The following MTA1 variants were observed in gnomAD, a reference collection of about 807,000 sequenced individuals.
MTA1 encodes the protein metastasis-associated protein MTA1.
Under a neutral mutation model 97.0 loss-of-function variants are expected in MTA1, and 15 were observed. The ratio of observed to expected loss-of-function variants is 0.15; its 90% CI spans 0.10 to 0.24. The LOEUF (loss-of-function observed/expected upper bound fraction) is 0.24. Ranked by LOEUF, MTA1 falls within the 10% of genes least tolerant of loss-of-function variation. The pLI is 1.00. For synonymous variants in MTA1, 435 were observed against 417.5 expected (o/e 1.04, Z -0.51); for missense variants, 709 against 1,015.1 (o/e 0.70, Z 4.10).
intron 10 of MTA1, 67 bp downstream of exon 10, chr14:105,461,020 G>A (rs1409604823): frequency 2.1e-5 from 32 of 1,509,396 alleles, no homozygotes; most frequent in Non-Finnish European, 2.3e-5. Context: ...CTGCGGGGGT[G>A]TGGGCTCCAC....
intron 1 of MTA1, among the ~76,000 whole-genome samples, chr14:105,435,855 C>T (rs1041057670): frequency 1.3e-5 from 2 of 152,194 alleles, no homozygotes; most frequent in African/African-American, 2.4e-5. Flanking sequence ...CACCCCTTCT[C>T]GTGTCAGTAG....
At chr14:105,430,058 A>C (rs1317254348) in intron 1 of MTA1, among the ~76,000 whole-genome samples, 2 of 151,992 alleles carry the variant, frequency 1.3e-5, no homozygotes, top group African/African-American at 2.4e-5. Context: ...CGCCCGACCC[A>C]CTTTTAGTTT....
In MTA1 at chr14:105,463,241, G is replaced by A. The variant is rs368709921; in HGVS notation, c.1000G>A (p.Asp334Asn). ...GTACTACTACATGTGGAAGACCACC[G>A]ACAGATACGTGCAGCAGGTGAGCCC... ...IEYYYMWKTT[D>N]RYVQQKRLKA... Residue 334 changes from aspartate to asparagine, a missense_variant, in exon 11 of 21, where the codon GAC becomes AAC. Coordinates refer to ENST00000331320, the MANE Select transcript of MTA1 (RefSeq NM_004689.4). The surrounding 1 kb of genome is among the most constrained non-coding windows in gnomAD (Gnocchi z 5.9). The A allele has an allele frequency of 7.4e-6, 12 of 1,610,738 alleles. No individual in the cohort carries two copies. Among genetic ancestry groups the A allele is most frequent in the Non-Finnish European group, 1.0e-5 (12 of 1,179,830 alleles).
intron 1 of MTA1, among the ~76,000 whole-genome samples, chr14:105,426,215 G>C (rs1284076058): frequency 6.6e-6 from 1 of 152,084 alleles, no homozygotes; most frequent in Non-Finnish European, 1.5e-5. Context: ...TGCCCTGCCA[G>C]GCTGTCCTCA....
Position 105,466,432 on chromosome 14 carries a change from A to G in MTA1, c.1631A>G (p.His544Arg). 6 of 724,208 alleles carry G rather than the reference A, an allele frequency of 8.3e-6. No individual in the cohort carries two copies. The highest frequency in any genetic ancestry group is 2.1e-5 in the African/African-American group (1 of 48,160). 44.9% of individuals were successfully genotyped at this position (724,208 alleles called of 1,614,324 possible). The change falls in exon 17 of 21, where the codon CAC becomes CGC. Residue 544 changes from histidine to arginine, a missense_variant. This residue lies in a region of MTA1 where 388 missense variants were observed against 421.6 expected (regional missense o/e 0.92). Transcript: ENST00000331320. ...LEAVLRYLET[H>R]PRPPKPDPVK... The stretch of plus-strand genomic sequence containing the variant: ...CCTGTGTCATTCCCGGCAGAGACCC[A>G]CCCCCGCCCCCCCAAGCCTGACCCC...
At chr14:105,425,289 G>GT (rs1457147103) in intron 1 of MTA1, among the ~76,000 whole-genome samples, 3 of 151,854 alleles carry the variant, frequency 2.0e-5, no homozygotes, top group Non-Finnish European at 2.9e-5. Context: ...ATGTAATTAT[G>GT]TTTTTTTTGA....
intron 13 of MTA1, 110 bp from the exon 14 acceptor site, chr14:105,464,306 T>A: frequency 7.9e-7 from 1 of 1,272,220 alleles, no homozygotes; most frequent in Non-Finnish European, 1.0e-6. Context: ...TCGGGGAACG[T>A]GTGGGGGTGC....
In MTA1 at chr14:105,464,457, A is replaced by G; in HGVS notation, c.1234A>G (p.Met412Val). ...GTGGTATTCTTGGGGTCCCCCTAAC[A>G]TGCAGTGTCGTCTCTGCGCATCTTG... Reference protein sequence around the residue: ...YQWYSWGPPNMQCRLCASCWT... With the variant: ...YQWYSWGPPNVQCRLCASCWT... The change falls in exon 14 of 21, where the codon ATG (methionine) becomes GTG (valine). Residue 412 changes from methionine (M) to valine (V), a missense_variant. This residue lies in a region of MTA1 where 321 missense variants were observed against 593.5 expected (regional missense o/e 0.54). Coordinates refer to ENST00000331320, the MANE Select transcript of MTA1 (RefSeq NM_004689.4). 2.5e-6 allele frequency: 4 copies of G among 1,613,656 alleles called. No individual in the cohort carries two copies. Among genetic ancestry groups the G allele is most frequent in the Non-Finnish European group, 3.4e-6 (4 of 1,179,946 alleles).
At chr14:105,458,162 A>AGCCCTTC in intron 7 of MTA1, 108 bp from the exon 8 acceptor site, 1 of 868,796 alleles carries the variant, frequency 1.2e-6, no homozygotes, top group Middle Eastern at 3.1e-4. Context: ...GGGGCCCTGC[A>AGCCCTTC]GCCCTTCCCC....
At chr14:105,465,336 G>A (rs756623384) in intron 16 of MTA1, 153 bp downstream of exon 16, 15 of 553,388 alleles carry the variant, frequency 2.7e-5, no homozygotes, top group South Asian at 5.1e-5. Context: ...ACTCTGCACC[G>A]TGCCAGGCTC....
intron 6 of MTA1, 26 bp from the exon 7 acceptor site, chr14:105,454,167 T>A (rs782663391): frequency 6.3e-7 from 1 of 1,575,596 alleles, no homozygotes; most frequent in Admixed American, 1.7e-5. Flanking sequence ...TGCTGACGCC[T>A]CTCTGTCTCC....
intron 1 of MTA1, among the ~76,000 whole-genome samples, chr14:105,430,419 G>A (rs994092023): frequency 6.6e-6 from 1 of 152,106 alleles, no homozygotes; most frequent in Admixed American, 6.5e-5. Flanking sequence ...GGCTCATGAT[G>A]CCCAAAACAA....
Position 105,470,588 on chromosome 14 carries a change from CTG to C in MTA1, c.*375_*376del, listed in dbSNP as rs1161209182. The C allele has an allele frequency of 3.0e-5, 6 of 199,692 alleles. No individual in the cohort carries two copies. The East Asian group carries it at 7.7e-4, about 26-fold the overall frequency. The allele number at this position is 199,692 out of a possible 1,614,324, so 12.4% of individuals were successfully genotyped here. A position where few individuals can be genotyped will look rare whatever the true frequency, so the allele number is the denominator to read the frequency against. On this transcript the variant is annotated 3_prime_UTR_variant, in exon 21 of 21. Coordinates refer to ENST00000331320, the MANE Select transcript of MTA1 (RefSeq NM_004689.4). ...CTTTTTTTGTAGATGAACTTGAGCTCTGTAACTTACACCTGGAATGTTAGGAT... is the reference window on the plus strand; with the variant it reads ...CTTTTTTTGTAGATGAACTTGAGCTCTAACTTACACCTGGAATGTTAGGAT...
At chr14:105,450,836 T>C (rs2082899177) in intron 6 of MTA1, among the ~76,000 whole-genome samples, 1 of 152,212 alleles carries the variant, frequency 6.6e-6, no homozygotes, top group South Asian at 2.1e-4. Context: ...GTCCCGACAA[T>C]GCCATACATC....
chr14:105,448,200 C>T lies in MTA1; in HGVS notation c.191-1159C>T, dbSNP rs139719909. Among the ~76,000 whole-genome samples, 133 of 152,170 alleles carry T rather than the reference C, an allele frequency of 8.7e-4. 4 individuals carry two copies. In the East Asian group the frequency reaches 0.013, roughly 15 times the overall value. On this transcript the variant is annotated intron_variant, in intron 3 of 20. Transcript: ENST00000331320. ...GAGTGAGGGCACAGCCTGGGCCTCA[C>T]GCTTAGGGGTGTATCCAGGGTCTGA...
chr14:105,432,976 C>T (rs587716987), intron 1 of MTA1, among the ~76,000 whole-genome samples: 236 of 152,224 alleles, frequency 1.6e-3, no homozygotes, highest in African/African-American at 4.8e-3. Context: ...CAGTCGAAAG[C>T]GATTGGACTG....
chr14:105,461,244 C>T, intron 10 of MTA1, among the ~76,000 whole-genome samples: 1 of 152,172 alleles, frequency 6.6e-6, no homozygotes, highest in East Asian at 1.9e-4. Context: ...GTGACGGAGG[C>T]CAGGGTATCC....
In MTA1 at chr14:105,424,218, G is replaced by A. The variant is rs782266714; in HGVS notation, c.28+4155G>A. On this transcript the variant is annotated intron_variant, in intron 1 of 20. Coordinates refer to ENST00000331320, the MANE Select transcript of MTA1 (RefSeq NM_004689.4). The surrounding 1 kb of genome is among the most constrained non-coding windows in gnomAD (Gnocchi z 4.0). ...TGCTCCACCTTTGTTTTTTTGAGACGGAGTCTCGCTCTGTCCCCCAGGCTG... is the reference window on the plus strand; with the variant it reads ...TGCTCCACCTTTGTTTTTTTGAGACAGAGTCTCGCTCTGTCCCCCAGGCTG... 5.3e-5 allele frequency among the ~76,000 whole-genome samples: 8 copies of A among 152,170 alleles called. No homozygotes were observed. The highest frequency in any genetic ancestry group is 1.2e-4 in the Non-Finnish European group (8 of 68,034).
intron 1 of MTA1, among the ~76,000 whole-genome samples, chr14:105,431,215 AC>A (rs1310882367): frequency 9.2e-5 from 14 of 152,084 alleles, no homozygotes; most frequent in African/African-American, 2.9e-4. Context: ...GGCGCCCACC[AC>A]CACGCACAGT....
Sources: allele counts gnomAD v4.1 joint callset (sites outside exome capture counted in the v4.1 genomes callset), GRCh38; gene constraint gnomAD v4.1.1; regional missense constraint gnomAD v4.1.1; non-coding constraint Gnocchi (gnomAD v3.1); transcripts MANE v1.5; gene names NCBI Gene and HGNC (gene_info 2026-07-23, HGNC 2026-07-21).